Variants in PRDM16 observed in about 807,000 individuals in gnomAD.
The protein encoded by PRDM16 is PR/SET domain 16.
Under a neutral mutation model 110.6 loss-of-function variants are expected in PRDM16, and 23 were observed. The ratio of observed to expected loss-of-function variants is 0.21; its 90% CI spans 0.15 to 0.29. The LOEUF (loss-of-function observed/expected upper bound fraction) is 0.29. PRDM16 is among the 10% of genes least tolerant of loss of function. PRDM16 has a pLI of 1.00. For missense variants in PRDM16, 1,615 were observed against 1,794.3 expected, an observed-to-expected ratio of 0.90 and a Z score of 1.81; for synonymous variants, 799 against 781.8, an observed-to-expected ratio of 1.02 and a Z score of -0.37.
intron 1 of PRDM16, among the ~76,000 whole-genome samples, chr1:3,105,242 C>A (rs560767443): frequency 1.3e-5 from 2 of 152,348 alleles, no homozygotes; most frequent in African/African-American, 4.8e-5. Context: ...GTCCTGCCCA[C>A]CAGCCTCCCT....
intron 8 of PRDM16, among the ~76,000 whole-genome samples, chr1:3,408,796 G>A (rs369178342): frequency 9.8e-4 from 47 of 47,878 alleles, no homozygotes; most frequent in African/African-American, 6.6e-3. Flanking sequence ...GAGCCGGTGC[G>A]TGTGTGTGAG....
At chr1:3,120,913 C>T (rs968612968) in intron 1 of PRDM16, among the ~76,000 whole-genome samples, 2 of 152,218 alleles carry the variant, frequency 1.3e-5, no homozygotes, top group African/African-American at 4.8e-5. Context: ...ATTCCAGGGG[C>T]TCCTCACCTT....
Position 3,176,152 on chromosome 1 carries a change from T to TATCCATCC in PRDM16, c.38-9953_38-9946dup, listed in dbSNP as rs145743378. ...TAACCCATCCATGCACTCATTCATC[T>TATCCATCC]ATCCATCCATCCATCCATCCATCCA... On this transcript the variant is annotated intron_variant, in intron 1 of 16. Transcript: ENST00000270722. Among the ~76,000 whole-genome samples, 735 of 90,690 alleles carry TATCCATCC rather than the reference T, an allele frequency of 8.1e-3. 2 individuals carry two copies. Among genetic ancestry groups the TATCCATCC allele is most frequent in the African/African-American group, 0.022 (585 of 26,414 alleles). The allele number at this position is 90,690 out of a possible 152,430, so 59.5% of individuals were successfully genotyped here.
chr1:3,170,442 G>C (rs775273496), intron 1 of PRDM16, among the ~76,000 whole-genome samples: 5 of 152,162 alleles, frequency 3.3e-5, no homozygotes, highest in Non-Finnish European at 5.9e-5. Flanking sequence ...GAGCAGAGCC[G>C]AGTGGATTAG....
At chr1:3,340,179 G>A (rs547518189) in intron 3 of PRDM16, among the ~76,000 whole-genome samples, 19 of 152,038 alleles carry the variant, frequency 1.2e-4, no homozygotes, top group Non-Finnish European at 1.9e-4. Flanking sequence ...GGTCTGCCTC[G>A]GGGGATCCTC....
At chr1:3,165,995 G>T (rs1341070402) in intron 1 of PRDM16, among the ~76,000 whole-genome samples, 1 of 152,336 alleles carries the variant, frequency 6.6e-6, no homozygotes, top group East Asian at 1.9e-4. Flanking sequence ...CCAACAAGGT[G>T]CATGGTGAGC....
intron 3 of PRDM16, among the ~76,000 whole-genome samples, chr1:3,338,034 CAT>C (rs1449533316): frequency 6.6e-6 from 1 of 152,188 alleles, no homozygotes; most frequent in African/African-American, 2.4e-5. Context: ...CATGTGCACA[CAT>C]ATAGACATGC....
At chr1:3,186,056 C>A in intron 1 of PRDM16, 69 bp from the exon 2 acceptor site, 2 of 1,344,568 alleles carry the variant, frequency 1.5e-6, no homozygotes, top group African/African-American at 1.4e-5. Context: ...GAGTCCCCGG[C>A]GCTCCCTGAG....
chr1:3,170,782 G>A (rs533536264), intron 1 of PRDM16, among the ~76,000 whole-genome samples: 9 of 152,290 alleles, frequency 5.9e-5, no homozygotes, highest in Admixed American at 4.6e-4. Context: ...GGAGGCACAC[G>A]GACATGGACA....
chr1:3,251,343 G>A (rs1444927304), intron 3 of PRDM16, among the ~76,000 whole-genome samples: 1 of 152,156 alleles, frequency 6.6e-6, no homozygotes, highest in Non-Finnish European at 1.5e-5. Flanking sequence ...GTGAGGCACA[G>A]CTCTGGGTAC....
intron 3 of PRDM16, among the ~76,000 whole-genome samples, chr1:3,310,620 C>T (rs1370811976): frequency 6.6e-6 from 1 of 152,162 alleles, no homozygotes; most frequent in Non-Finnish European, 1.5e-5. Flanking sequence ...CCTCCACCTG[C>T]CAAACCAGCA....
chr1:3,333,051 T>A (rs543805537), intron 3 of PRDM16, among the ~76,000 whole-genome samples: 18 of 152,360 alleles, frequency 1.2e-4, no homozygotes, highest in African/African-American at 4.3e-4. Flanking sequence ...AACATGAGTG[T>A]GCCTGTTTTT....
intron 1 of PRDM16, among the ~76,000 whole-genome samples, chr1:3,122,524 G>A (rs1307362626): frequency 1.3e-5 from 2 of 152,210 alleles, no homozygotes; most frequent in Non-Finnish European, 2.9e-5. Context: ...CCTGGGGGCT[G>A]CGAGTGGCCG....
chr1:3,235,091 T>A (rs868669613), intron 2 of PRDM16, among the ~76,000 whole-genome samples: 28 of 152,278 alleles, frequency 1.8e-4, no homozygotes, highest in African/African-American at 6.5e-4. Flanking sequence ...TGGGATCGGC[T>A]CCACTGGCGT....
At chr1:3,411,332 G>C in intron 8 of PRDM16, 52 bp from the exon 9 acceptor site, 2 of 1,553,530 alleles carry the variant, frequency 1.3e-6, no homozygotes, top group Non-Finnish European at 1.8e-6. Flanking sequence ...TTTTCAGCAG[G>C]GTTTCCCGGT....
rs1400909644 is a variant in PRDM16, at chr1:3,081,610, C to T, written c.37+12314C>T. Among the ~76,000 whole-genome samples, 3 of 152,318 alleles carry T rather than the reference C, an allele frequency of 2.0e-5. No homozygotes were observed. Among genetic ancestry groups the T allele is most frequent in the Middle Eastern group, 6.8e-3 (2 of 294 alleles). On this transcript the variant is annotated intron_variant, in intron 1 of 16. Coordinates refer to ENST00000270722, the MANE Select transcript of PRDM16 (RefSeq NM_022114.4). This position sits in a 1 kb window ranked among gnomAD's most constrained non-coding sequence, Gnocchi z 4.6. ...CCAGGGTTGGTCTTCCTTCTGTGAG[C>T]ACGGGGGGTGAGCAGTGGGCAGCTC... is the stretch of plus-strand genomic sequence containing the variant.
chr1:3,272,676 A>G (rs1334566664), intron 3 of PRDM16, among the ~76,000 whole-genome samples: 4 of 152,078 alleles, frequency 2.6e-5, no homozygotes, highest in Non-Finnish European at 5.9e-5. Context: ...TCGTTCAGGA[A>G]GATTCGAAAG....
At chr1:3,360,028 T>A (rs1415246047) in intron 3 of PRDM16, among the ~76,000 whole-genome samples, 1 of 140,284 alleles carries the variant, frequency 7.1e-6, no homozygotes, top group Non-Finnish European at 1.5e-5. Flanking sequence ...GCGTTCCCGT[T>A]AGCGGGCCGC....
chr1:3,180,678 G>A (rs1006599956), intron 1 of PRDM16, among the ~76,000 whole-genome samples: 1 of 151,234 alleles, frequency 6.6e-6, no homozygotes, highest in African/African-American at 2.5e-5. Flanking sequence ...GGAGGCAAGG[G>A]GGCCCGAACT....
Sources: gnomAD v4.1 joint callset for allele counts (sites outside exome capture counted in the v4.1 genomes callset) on GRCh38, gnomAD v4.1.1 for gene constraint, Gnocchi (gnomAD v3.1) non-coding constraint, MANE v1.5 for transcripts, NCBI Gene and HGNC (gene_info 2026-07-23, HGNC 2026-07-21) for gene names.